The following ADGB variants were observed in gnomAD, a reference collection of about 807,000 sequenced individuals.
The protein encoded by ADGB is androglobin, also known as calpain-7-like protein.
ADGB carries 172 observed loss-of-function variants against 210.5 expected under a neutral mutation model. That is an observed-to-expected ratio of 0.82 (90% CI 0.72 to 0.93). The LOEUF (loss-of-function observed/expected upper bound fraction) is 0.93. ADGB is among the 40% of genes least tolerant of loss of function. ADGB has a pLI of 0.00. For synonymous variants in ADGB, 658 were observed against 662.7 expected, an observed-to-expected ratio of 0.99 and a Z score of 0.11; for missense variants, 2,025 against 1,964.8, an observed-to-expected ratio of 1.03 and a Z score of -0.58.
intron 33 of ADGB, among the ~76,000 whole-genome samples, chr6:146,789,897 T>A (rs1489410500): frequency 6.6e-6 from 1 of 152,180 alleles, no homozygotes; most frequent in Non-Finnish European, 1.5e-5. Flanking sequence ...TTGGTCTCCA[T>A]ATATTGTGAT....
intron 32 of ADGB, among the ~76,000 whole-genome samples, chr6:146,787,290 T>TA (rs1333622440): frequency 1.3e-5 from 2 of 152,292 alleles, no homozygotes; most frequent in East Asian, 3.9e-4. Context: ...CACCACATAC[T>TA]AAAGTCCTCC....
At chr6:146,802,667 G>C (rs1778151500) in intron 35 of ADGB, 1 of 861,446 alleles carries the variant, frequency 1.2e-6, no homozygotes, top group Admixed American at 3.1e-5. Flanking sequence ...TCATTATGTG[G>C]CTTTTTAAAA....
At chr6:146,655,701 A>G (rs765240929) in intron 4 of ADGB, among the ~76,000 whole-genome samples, 2 of 152,192 alleles carry the variant, frequency 1.3e-5, no homozygotes, top group Non-Finnish European at 2.9e-5. Context: ...AAATACACCT[A>G]TTTAATGAAT....
intron 8 of ADGB, among the ~76,000 whole-genome samples, chr6:146,672,727 C>CTTTTTTT (rs58547170): frequency 7.0e-6 from 1 of 142,820 alleles, no homozygotes; most frequent in Non-Finnish European, 1.5e-5. Flanking sequence ...GTTTTTCTTT[C>CTTTTTTT]TTTTTTTTTT....
chr6:146,616,818 G>A (rs530185726), intron 1 of ADGB, among the ~76,000 whole-genome samples: 1 of 151,810 alleles, frequency 6.6e-6, no homozygotes, highest in Non-Finnish European at 1.5e-5. Context: ...TTGTTGTTTT[G>A]CCAGTACCAT....
chr6:146,731,356 A>AC (rs1473315636), intron 20 of ADGB, among the ~76,000 whole-genome samples: 2 of 108,184 alleles, frequency 1.8e-5, no homozygotes, highest in Non-Finnish European at 4.0e-5. Flanking sequence ...TCACCATATG[A>AC]CAAAAAAAAA....
rs1054239470 is a variant in ADGB at position 146,673,070 on chromosome 6, A to G, written c.1087+603A>G. Among the ~76,000 whole-genome samples, 23 of 152,296 alleles carry G rather than the reference A, an allele frequency of 1.5e-4. 1 individual carries two copies. The highest frequency in any genetic ancestry group is 5.5e-4 in the African/African-American group (23 of 41,566). On this transcript the variant is annotated intron_variant, in intron 8 of 35. Coordinates refer to ENST00000397944, the MANE Select transcript of ADGB (RefSeq NM_024694.4). The stretch of plus-strand genomic sequence containing the variant: ...TAGGAGTCTTATCTATGTAAAACCC[A>G]AGCTAAGCTAAGCTGTCCTGACAGC...
At chr6:146,642,828 G>T (rs1024762063) in intron 2 of ADGB, among the ~76,000 whole-genome samples, 3 of 151,748 alleles carry the variant, frequency 2.0e-5, no homozygotes, top group African/African-American at 7.3e-5. Context: ...TAATACCTGG[G>T]TGATGAAATA....
chr6:146,700,057 A>G (rs1776468632), intron 12 of ADGB, among the ~76,000 whole-genome samples: 1 of 152,204 alleles, frequency 6.6e-6, no homozygotes, highest in African/African-American at 2.4e-5. Context: ...CAAATCAGAG[A>G]TATGTGGATG....
Position 146,752,672 on chromosome 6 carries a change from G to A in ADGB, c.3508G>A (p.Ala1170Thr). 6.4e-7 allele frequency: 1 copy of A among 1,550,636 alleles called. No individual in the cohort carries two copies. Among genetic ancestry groups the A allele is most frequent in the Non-Finnish European group, 8.7e-7 (1 of 1,146,334 alleles). ...TGGAAAAGGCCAAGCTATAATCCCA[G>A]CATTTCACTTCTTGAAGAGTGAGAA... ...STGKGQAIIPAFHFLKSEKGL... is the reference protein window; with the variant it reads ...STGKGQAIIPTFHFLKSEKGL... The change falls in exon 27 of 36, where the codon GCA becomes ACA. Residue 1170 changes from alanine to threonine, a missense_variant. Transcript: ENST00000397944.
intron 5 of ADGB, among the ~76,000 whole-genome samples, chr6:146,659,732 C>T (rs148981076): frequency 2.6e-5 from 4 of 152,250 alleles, no homozygotes; most frequent in Non-Finnish European, 5.9e-5. Flanking sequence ...AGCTCTCTCC[C>T]GTCTTTCACC....
At position 146,672,416 on chromosome 6, in the gene ADGB, A is replaced by G; in HGVS notation, c.1036A>G (p.Ser346Gly). The G allele has an allele frequency of 6.4e-7, 1 of 1,551,244 alleles. No individual in the cohort carries two copies. The highest frequency in any genetic ancestry group is 8.7e-7 in the Non-Finnish European group (1 of 1,146,804). ...VKDVKEFKPESSLTTLKAPEK... is the reference protein window; with the variant it reads ...VKDVKEFKPEGSLTTLKAPEK... ...AGACGTGAAGGAATTCAAACCTGAAAGTTCTTTGACAACACTAAAGGCTCC... is the reference window on the plus strand; with the variant it reads ...AGACGTGAAGGAATTCAAACCTGAAGGTTCTTTGACAACACTAAAGGCTCC... Residue 346 changes from serine to glycine, a missense_variant, in exon 8 of 36, where the codon AGT becomes GGT. Physicochemically the swap from Ser to Gly is moderately conservative, Grantham distance 56. Transcript: ENST00000397944.
intron 5 of ADGB, among the ~76,000 whole-genome samples, chr6:146,658,145 G>T (rs1472877252): frequency 6.6e-6 from 1 of 152,066 alleles, no homozygotes; most frequent in Non-Finnish European, 1.5e-5. Context: ...GAAATTGTTA[G>T]GATAATTACA....
intron 5 of ADGB, among the ~76,000 whole-genome samples, chr6:146,662,307 TG>T (rs1011863131): frequency 3.3e-5 from 5 of 152,126 alleles, no homozygotes; most frequent in African/African-American, 1.2e-4. Context: ...CACAGGTCCC[TG>T]AGCCTTATAT....
At position 146,685,757 on chromosome 6, in the gene ADGB, C is replaced by G. The variant is rs2114916469; in HGVS notation, c.1240C>G (p.His414Asp). 6.5e-7 allele frequency: 1 copy of G among 1,536,924 alleles called. No homozygotes were observed. Among genetic ancestry groups the G allele is most frequent in the South Asian group, 1.2e-5 (1 of 81,820 alleles). ...AGGTTCTTCTGCAATACAGACCTCTCATATGGTCGTATATGCGACATTTAC... is the reference window on the plus strand; with the variant it reads ...AGGTTCTTCTGCAATACAGACCTCTGATATGGTCGTATATGCGACATTTAC... The part of the protein sequence containing the change: ...SDCSSAIQTS[H>D]MVVYATFTPL... The change falls in exon 10 of 36, where the codon CAT (histidine) becomes GAT (aspartate). Residue 414 changes from histidine (H) to aspartate (D), a missense_variant. Coordinates refer to ENST00000397944, the MANE Select transcript of ADGB (RefSeq NM_024694.4).
chr6:146,803,771 A>T, intron 35 of ADGB: 1 of 643,988 alleles, frequency 1.6e-6, no homozygotes, highest in Non-Finnish European at 2.6e-6. Context: ...CCGCGCTGAC[A>T]ATCAGCGCCC....
chr6:146,764,214 C>A, intron 28 of ADGB, 114 bp downstream of exon 28: 2 of 854,654 alleles, frequency 2.3e-6, no homozygotes, highest in African/African-American at 1.7e-5. Context: ...CAATGTATAG[C>A]CAGAATTGGA....
In ADGB at chr6:146,784,683, T is replaced by G. The variant is rs913091842; in HGVS notation, c.4101T>G (p.Thr1367=). Residue 1367 remains threonine, a synonymous_variant, in exon 31 of 36, where the codon ACT becomes ACG. Transcript: ENST00000397944. ...CCTACTGGATTTTGAGGTTGGTCAC[T>G]GAACACAATGAATCAGAATTATTTG... The part of the protein sequence containing the change: ...NKPYWILRLV[T]EHNESELFEV... The G allele has an allele frequency of 1.0e-5, 16 of 1,551,252 alleles. No individual in the cohort carries two copies.
intron 1 of ADGB, among the ~76,000 whole-genome samples, chr6:146,617,063 C>A (rs1780813035): frequency 2.0e-5 from 3 of 151,986 alleles, no homozygotes; most frequent in Non-Finnish European, 4.4e-5. Context: ...AATAATAATT[C>A]TTCCAATTTA....
Sources: allele counts gnomAD v4.1 joint callset (sites outside exome capture counted in the v4.1 genomes callset), GRCh38; gene constraint gnomAD v4.1.1; transcripts MANE v1.5; gene names NCBI Gene and HGNC (gene_info 2026-07-23, HGNC 2026-07-21).